Variants in ATP13A3 observed in about 807,000 individuals in gnomAD.
The protein encoded by ATP13A3 is ATPase 13A3.
Under a neutral mutation model 158.1 loss-of-function variants are expected in ATP13A3, and 59 were observed. The observed-to-expected ratio is 0.37, with a 90% CI of 0.30 to 0.46. The LOEUF is 0.46. Ranked by LOEUF, ATP13A3 falls within the 20% of genes least tolerant of loss-of-function variation. The pLI, the probability that ATP13A3 is intolerant of heterozygous loss-of-function variation, is 1.00. For missense variants in ATP13A3, 1,166 were observed against 1,525.2 expected, an observed-to-expected ratio of 0.76 and a Z score of 3.92; for synonymous variants, 491 against 504.3, an observed-to-expected ratio of 0.97 and a Z score of 0.35.
intron 16 of ATP13A3, among the ~76,000 whole-genome samples, chr3:194,440,384 C>T (rs148849769): frequency 4.5e-4 from 68 of 152,234 alleles, no homozygotes; most frequent in South Asian, 1.5e-3. Flanking sequence ...GTACAGAGCT[C>T]CACATGTGCA....
At position 194,437,169 on chromosome 3, in the gene ATP13A3, G is replaced by A. The variant is rs1370883830; in HGVS notation, c.2046C>T (p.Gly682=). The A allele has an allele frequency of 6.2e-7, 1 of 1,613,936 alleles. No individual in the cohort carries two copies. The highest frequency in any genetic ancestry group is 2.2e-5 in the East Asian group (1 of 44,888). Reference sequence around the variant, plus strand: ...TGTGTGCAAGAGCAATCACACGGAAGCCCTGTTTAGTGAAGTCTTCCAAAA... The same window carrying A: ...TGTGTGCAAGAGCAATCACACGGAAACCCTGTTTAGTGAAGTCTTCCAAAA... ...QNVLEDFTKQ[G]FRVIALAHRK... The change falls in exon 20 of 34, where the codon GGC becomes GGT. Residue 682 remains glycine (G), a synonymous_variant. Transcript: ENST00000645319.
At chr3:194,406,619 AT>A (rs1009321323) in intron 33 of ATP13A3, among the ~76,000 whole-genome samples, 28 of 152,230 alleles carry the variant, frequency 1.8e-4, no homozygotes, top group Non-Finnish European at 3.2e-4. Flanking sequence ...AAGAGAAAAC[AT>A]TTTTAATATT....
rs1008592042 is a variant in ATP13A3 at position 194,453,630 on chromosome 3, T to C, written c.838+76A>G. 9.1e-6 allele frequency: 10 copies of C among 1,102,668 alleles called. No homozygotes were observed. The East Asian group carries it at 2.1e-4, about 24-fold the overall frequency. The allele number at this position is 1,102,668 out of a possible 1,614,324, so 68.3% of individuals were successfully genotyped here. A position where few individuals can be genotyped will look rare whatever the true frequency, so the allele number is the denominator to read the frequency against. On this transcript the variant is annotated intron_variant, in intron 10 of 33. Coordinates refer to ENST00000645319, the MANE Select transcript of ATP13A3 (RefSeq NM_001367549.1). ...TCAATCAAAGAATGTATATGTATTA[T>C]ACTTTGGGCTTACTTCACACATTAT...
intron 31 of ATP13A3, among the ~76,000 whole-genome samples, chr3:194,416,343 A>C (rs1262916847): frequency 1.3e-5 from 2 of 152,130 alleles, no homozygotes; most frequent in African/African-American, 4.8e-5. Flanking sequence ...CTGTAATCCC[A>C]GCTACTTGGG....
rs1055899615 is a variant in ATP13A3 at position 194,483,123 on chromosome 3, T to A, written c.-47+2671A>T. ...CTCCGTCTCAAAAAAAAAAAAAAAA[T>A]TTTTTTTTAAATTAGCCAGACATGA... On this transcript the variant is annotated intron_variant, in intron 2 of 33. Coordinates refer to ENST00000645319, the MANE Select transcript of ATP13A3 (RefSeq NM_001367549.1). Among the ~76,000 whole-genome samples, 89 of 115,272 alleles carry A rather than the reference T, an allele frequency of 7.7e-4. No individual in the cohort carries two copies. The East Asian group carries it at 0.012, about 16-fold the overall frequency. 75.6% of individuals were successfully genotyped at this position (115,272 alleles called of 152,430 possible). A position where few individuals can be genotyped will look rare whatever the true frequency, so the allele number is the denominator to read the frequency against.
chr3:194,424,412 T>C (rs1716611038), intron 30 of ATP13A3: 1 of 151,792 alleles, frequency 6.6e-6, no homozygotes, highest in Admixed American at 6.6e-5. Flanking sequence ...CTGCACAAAA[T>C]ATAAAGTAAT....
chr3:194,469,042 G>A (rs1321617198), intron 2 of ATP13A3, among the ~76,000 whole-genome samples: 2 of 151,828 alleles, frequency 1.3e-5, no homozygotes, highest in African/African-American at 4.8e-5. Flanking sequence ...GCTGAGGCAG[G>A]AGAATCGTTT....
intron 16 of ATP13A3, among the ~76,000 whole-genome samples, chr3:194,440,471 T>G (rs1560090972): frequency 6.6e-6 from 1 of 152,172 alleles, no homozygotes; most frequent in Non-Finnish European, 1.5e-5. Flanking sequence ...TAAGAACCCC[T>G]GTCGATAAGA....
chr3:194,480,069 C>CCA (rs1720689604), intron 2 of ATP13A3, among the ~76,000 whole-genome samples: 2 of 152,110 alleles, frequency 1.3e-5, no homozygotes, highest in South Asian at 2.1e-4. Context: ...CAATCACACC[C>CCA]CACACACACA....
In ATP13A3 at chr3:194,410,216, T is replaced by C. The variant is rs111708025; in HGVS notation, c.3573+1983A>G. 2.7e-3 allele frequency among the ~76,000 whole-genome samples: 367 copies of C among 134,842 alleles called. 1 individual carries two copies. Among genetic ancestry groups the C allele is most frequent in the Admixed American group, 6.5e-3 (75 of 11,484 alleles). The allele number at this position is 134,842 out of a possible 152,430, so 88.5% of individuals were successfully genotyped here. ...GGCTCACGCCTGTAATCCCAGCACT[T>C]TGGGAGGCCGAGGCAGGCAGATGGC... On this transcript the variant is annotated intron_variant, in intron 33 of 33. Coordinates refer to ENST00000645319, the MANE Select transcript of ATP13A3 (RefSeq NM_001367549.1).
intron 31 of ATP13A3, among the ~76,000 whole-genome samples, chr3:194,416,018 A>C (rs1715825258): frequency 1.3e-5 from 2 of 152,200 alleles, no homozygotes; most frequent in Admixed American, 6.5e-5. Flanking sequence ...TAGCAACCTA[A>C]ATCCAAATTT....
In ATP13A3 at chr3:194,453,579, A is replaced by G. The variant is rs553617080; in HGVS notation, c.838+127T>C. On this transcript the variant is annotated intron_variant, in intron 10 of 33. Coordinates refer to ENST00000645319, the MANE Select transcript of ATP13A3 (RefSeq NM_001367549.1). Reference sequence around the variant, plus strand: ...GTGCCTTTGCACTCCAGCCTAAGTGACAGAGACACTGACTCAATCAATCAA... The same window carrying G: ...GTGCCTTTGCACTCCAGCCTAAGTGGCAGAGACACTGACTCAATCAATCAA... 2.0e-4 allele frequency: 148 copies of G among 741,700 alleles called. No homozygotes were observed. The African/African-American group carries it at 2.4e-3, about 12-fold the overall frequency. The allele number at this position is 741,700 out of a possible 1,614,324, so 45.9% of individuals were successfully genotyped here.
intron 15 of ATP13A3, 151 bp downstream of exon 15, chr3:194,444,574 G>T: frequency 1.8e-6 from 1 of 560,468 alleles, no homozygotes. Context: ...ATATTCTAAA[G>T]GAAGCGATCT....
At chr3:194,492,851 G>C (rs1721162050) in intron 2 of ATP13A3, among the ~76,000 whole-genome samples, 1 of 152,116 alleles carries the variant, frequency 6.6e-6, no homozygotes, top group African/African-American at 2.4e-5. Flanking sequence ...TGTTGTTATT[G>C]TATTTATCTC....
At chr3:194,453,482 C>T (rs771881359) in intron 10 of ATP13A3, among the ~76,000 whole-genome samples, 5 of 151,826 alleles carry the variant, frequency 3.3e-5, no homozygotes, top group African/African-American at 1.2e-4. Context: ...ACCTGTAGTC[C>T]CAGCTACTCG....
chr3:194,458,083 G>A (rs761370164), intron 6 of ATP13A3, among the ~76,000 whole-genome samples: 13 of 151,884 alleles, frequency 8.6e-5, no homozygotes, highest in East Asian at 1.9e-4. Context: ...ACCACCCCCC[G>A]CCTTAATTAT....
intron 33 of ATP13A3, among the ~76,000 whole-genome samples, 172 bp downstream of exon 33, chr3:194,412,027 A>G (rs1192480253): frequency 6.6e-6 from 1 of 152,212 alleles, no homozygotes; most frequent in South Asian, 2.1e-4. Flanking sequence ...AGGACTTCTT[A>G]TAAGAAATGA....
At chr3:194,451,525 A>G (rs1254659517) in intron 10 of ATP13A3, 1 of 152,196 alleles carries the variant, frequency 6.6e-6, no homozygotes, top group Non-Finnish European at 1.5e-5. Context: ...AGAAGAGGAG[A>G]GGCATCAATA....
At chr3:194,473,712 G>A (rs1720407603) in intron 2 of ATP13A3, among the ~76,000 whole-genome samples, 1 of 151,980 alleles carries the variant, frequency 6.6e-6, no homozygotes, top group Non-Finnish European at 1.5e-5. Flanking sequence ...ACATATATAG[G>A]TACATAGGAA....
Sources: gnomAD v4.1 joint callset for allele counts (sites outside exome capture counted in the v4.1 genomes callset) on GRCh38, gnomAD v4.1.1 for gene constraint, MANE v1.5 for transcripts, NCBI Gene and HGNC (gene_info 2026-07-23, HGNC 2026-07-21) for gene names.